FAM83B: variants seen among roughly 807,000 people sequenced by gnomAD.
FAM83B encodes the protein protein FAM83B.
Under a neutral mutation model 38.8 loss-of-function variants are expected in FAM83B, and 26 were observed. That is an observed-to-expected ratio of 0.67 (90% CI 0.49 to 0.93). The LOEUF is 0.93. Ranked by LOEUF, FAM83B falls within the 40% of genes least tolerant of loss-of-function variation. The pLI is 0.00. For synonymous variants in FAM83B, 419 were observed against 423.1 expected, an observed-to-expected ratio of 0.99 and a Z score of 0.12; for missense variants, 1,237 against 1,197.3, an observed-to-expected ratio of 1.03 and a Z score of -0.49.
intron 4 of FAM83B, among the ~76,000 whole-genome samples, chr6:54,936,565 G>T (rs911632330): frequency 3.2e-4 from 49 of 151,794 alleles, no homozygotes; most frequent in Admixed American, 3.2e-3. Context: ...TTTCTGTTTT[G>T]TTTTCAAGAT....
chr6:54,924,207 AC>A (rs1378704152), intron 2 of FAM83B, among the ~76,000 whole-genome samples: 2 of 151,588 alleles, frequency 1.3e-5, no homozygotes, highest in African/African-American at 2.4e-5. Flanking sequence ...ACACACACAC[AC>A]ACACACACGC....
chr6:54,860,876 T>G (rs1244199073), intron 1 of FAM83B, among the ~76,000 whole-genome samples: 1 of 152,238 alleles, frequency 6.6e-6, no homozygotes, highest in East Asian at 1.9e-4. Flanking sequence ...AACTCTCTTG[T>G]GTACATGTTC....
In FAM83B at chr6:54,942,497, T is replaced by A. The variant is rs917120362; in HGVS notation, c.*490T>A. On this transcript the variant is annotated 3_prime_UTR_variant, in exon 5 of 5. Coordinates refer to ENST00000306858, the MANE Select transcript of FAM83B (RefSeq NM_001010872.3). The stretch of plus-strand genomic sequence containing the variant: ...ATAACTTGTTATATTTTATTAATAT[T>A]ATTTTTTCTGTGGATCATTGTACAG... Among the ~76,000 whole-genome samples, 1 of 152,154 alleles carries A rather than the reference T, an allele frequency of 6.6e-6. No individual in the cohort carries two copies. The highest frequency in any genetic ancestry group is 1.5e-5 in the Non-Finnish European group (1 of 68,032).
chr6:54,935,002 C>G (rs911301921), intron 4 of FAM83B, among the ~76,000 whole-genome samples: 1 of 152,136 alleles, frequency 6.6e-6, no homozygotes, highest in Non-Finnish European at 1.5e-5. Context: ...TCACTTGCTA[C>G]TTCCCTTTTC....
chr6:54,933,687 A>C (rs1296434436), intron 4 of FAM83B, among the ~76,000 whole-genome samples: 1 of 152,046 alleles, frequency 6.6e-6, no homozygotes, highest in Non-Finnish European at 1.5e-5. Context: ...AGGACCTTTC[A>C]AATCTTTTCT....
chr6:54,866,190 G>A (rs1771700591), intron 1 of FAM83B, among the ~76,000 whole-genome samples: 2 of 150,010 alleles, frequency 1.3e-5, no homozygotes, highest in African/African-American at 2.5e-5. Context: ...CTCTTATCTT[G>A]TGTGCTATAG....
intron 2 of FAM83B, among the ~76,000 whole-genome samples, chr6:54,874,850 A>C (rs1374247401): frequency 6.6e-6 from 1 of 152,182 alleles, no homozygotes; most frequent in Non-Finnish European, 1.5e-5. Context: ...ATACCACATT[A>C]CCTGAGTTCA....
At chr6:54,880,568 C>T (rs928194284) in intron 2 of FAM83B, among the ~76,000 whole-genome samples, 2 of 151,476 alleles carry the variant, frequency 1.3e-5, no homozygotes, top group African/African-American at 4.9e-5. Context: ...CCTCAGCCTC[C>T]TGAGTAGCTG....
intron 4 of FAM83B, among the ~76,000 whole-genome samples, chr6:54,938,517 A>G (rs1773570440): frequency 6.6e-6 from 1 of 152,116 alleles, no homozygotes; most frequent in Non-Finnish European, 1.5e-5. Flanking sequence ...CACCACATGC[A>G]TGCCAATGTC....
intron 2 of FAM83B, among the ~76,000 whole-genome samples, chr6:54,894,351 A>G (rs997781617): frequency 1.3e-5 from 2 of 151,982 alleles, no homozygotes; most frequent in African/African-American, 4.8e-5. Flanking sequence ...AAGATGGTAC[A>G]TTGGTCTATG....
In FAM83B at chr6:54,941,825, A is replaced by G; in HGVS notation, c.2854A>G (p.Asn952Asp). ...KIESSIQPTS[N>D]MPNTSINRPE... ...TGAGAGCTCTATTCAGCCAACAAGC[A>G]ACATGCCAAATACCAGTATAAATCG... Residue 952 changes from asparagine (N) to aspartate (D), a missense_variant, in exon 5 of 5, where the codon AAC becomes GAC. Asn to Asp is a conservative substitution (Grantham distance 23). Coordinates refer to ENST00000306858, the MANE Select transcript of FAM83B (RefSeq NM_001010872.3). 6.2e-7 allele frequency: 1 copy of G among 1,614,132 alleles called. No homozygotes were observed. The highest frequency in any genetic ancestry group is 8.5e-7 in the Non-Finnish European group (1 of 1,180,016).
chr6:54,846,989 G>T lies in FAM83B; in HGVS notation c.-61+163G>T, dbSNP rs563597132. The stretch of plus-strand genomic sequence containing the variant: ...GGGACTCTCCCTTGGGAGCGCAGGC[G>T]GGATTGGAAATTCCACAGGGTGTAA... On this transcript the variant is annotated intron_variant, in intron 1 of 4. Coordinates refer to ENST00000306858, the MANE Select transcript of FAM83B (RefSeq NM_001010872.3). Among the ~76,000 whole-genome samples, 15 of 152,288 alleles carry T rather than the reference G, an allele frequency of 9.8e-5. No homozygotes were observed. In the Middle Eastern group the frequency reaches 0.01, roughly 104 times the overall value.
At chr6:54,866,550 T>G (rs1771710964) in intron 1 of FAM83B, among the ~76,000 whole-genome samples, 1 of 152,122 alleles carries the variant, frequency 6.6e-6, no homozygotes, top group African/African-American at 2.4e-5. Context: ...CTTTGGAGAT[T>G]GGTGTTTTTT....
At chr6:54,905,993 G>T (rs1319198962) in intron 2 of FAM83B, among the ~76,000 whole-genome samples, 1 of 150,148 alleles carries the variant, frequency 6.7e-6, no homozygotes, top group Admixed American at 6.7e-5. Context: ...ATACAGAATA[G>T]TTTATATATA....
At chr6:54,860,561 T>C (rs995721835) in intron 1 of FAM83B, among the ~76,000 whole-genome samples, 5 of 152,198 alleles carry the variant, frequency 3.3e-5, no homozygotes, top group Admixed American at 6.5e-5. Context: ...ACCAGGATTG[T>C]GTGATACTGA....
At chr6:54,915,845 A>G (rs62414963) in intron 2 of FAM83B, among the ~76,000 whole-genome samples, 2,864 of 148,618 alleles carry the variant, frequency 0.019, 158 homozygotes, top group East Asian at 0.051. Flanking sequence ...AAAGAAACTC[A>G]CATTTCTAAC....
intron 2 of FAM83B, among the ~76,000 whole-genome samples, chr6:54,914,621 T>C (rs1187019722): frequency 6.6e-6 from 1 of 152,184 alleles, no homozygotes; most frequent in Non-Finnish European, 1.5e-5. Context: ...CTGGAAAATG[T>C]CTAAAACATT....
Position 54,941,577 on chromosome 6 carries a change from C to T in FAM83B, c.2606C>T (p.Ser869Phe). ...CCAGATGAAAATAAAAGAACACCTTCTCCAGGTCCAGTTGAAAGCAAGTTC... is the reference window on the plus strand; with the variant it reads ...CCAGATGAAAATAAAAGAACACCTTTTCCAGGTCCAGTTGAAAGCAAGTTC... ...APPDENKRTP[S>F]PGPVESKFLE... Residue 869 changes from serine to phenylalanine, a missense_variant, in exon 5 of 5, where the codon TCT (serine) becomes TTT (phenylalanine). Ser to Phe is a radical substitution (Grantham distance 155). Transcript: ENST00000306858. The T allele has an allele frequency of 6.2e-7, 1 of 1,614,088 alleles. No individual in the cohort carries two copies. The highest frequency in any genetic ancestry group is 8.5e-7 in the Non-Finnish European group (1 of 1,180,014).
chr6:54,931,514 T>C (rs1224517722), intron 4 of FAM83B, among the ~76,000 whole-genome samples: 1 of 152,168 alleles, frequency 6.6e-6, no homozygotes, highest in African/African-American at 2.4e-5. Flanking sequence ...TATATCTTCT[T>C]GGTGAATTGA....
Sources: gnomAD v4.1 joint callset for allele counts (sites outside exome capture counted in the v4.1 genomes callset) on GRCh38, gnomAD v4.1.1 for gene constraint, MANE v1.5 for transcripts, NCBI Gene and HGNC (gene_info 2026-07-23, HGNC 2026-07-21) for gene names.